Variants in TRPM3 observed in about 807,000 individuals in gnomAD.
TRPM3 encodes long transient receptor potential channel 3.
In TRPM3, 77 loss-of-function variants were observed where a neutral mutation model predicts 181.2. The ratio of observed to expected loss-of-function variants is 0.42; its 90% CI spans 0.35 to 0.51. TRPM3 has a LOEUF of 0.51. Ranked by LOEUF, TRPM3 falls within the 20% of genes least tolerant of loss-of-function variation. TRPM3 has a pLI of 0.01. For missense variants in TRPM3, 1,759 were observed against 2,196.7 expected (o/e 0.80, Z 3.98); for synonymous variants, 745 against 796.4 (o/e 0.94, Z 1.09).
intron 1 of TRPM3, among the ~76,000 whole-genome samples, chr9:70,995,233 A>G (rs994713404): frequency 6.6e-6 from 1 of 152,254 alleles, no homozygotes; most frequent in Non-Finnish European, 1.5e-5. Flanking sequence ...TCCTAAGGTT[A>G]GAAGACCTAA....
At chr9:71,247,399 G>A (rs114266411) in intron 1 of TRPM3, among the ~76,000 whole-genome samples, 2,090 of 150,914 alleles carry the variant, frequency 0.014, 61 homozygotes, top group African/African-American at 0.049. Context: ...TAGTTGAGAG[G>A]GTGAATCAAT....
chr9:70,747,695 A>G (rs551355558), intron 8 of TRPM3, among the ~76,000 whole-genome samples: 5 of 152,116 alleles, frequency 3.3e-5, no homozygotes, highest in Non-Finnish European at 7.4e-5. Context: ...AAAGAACAGT[A>G]TGTGACAGAG....
intron 1 of TRPM3, among the ~76,000 whole-genome samples, chr9:71,209,970 A>G (rs889567906): frequency 5.9e-5 from 9 of 152,190 alleles, no homozygotes; most frequent in Non-Finnish European, 1.0e-4. Flanking sequence ...AAGTTTGCCA[A>G]CTTCTGCTTT....
At chr9:70,836,909 G>C (rs1383415782) in intron 5 of TRPM3, among the ~76,000 whole-genome samples, 1 of 152,186 alleles carries the variant, frequency 6.6e-6, no homozygotes, top group Admixed American at 6.5e-5. Flanking sequence ...TCAAAGGAAA[G>C]TCAAAATCAA....
chr9:71,129,328 G>A (rs190495111), intron 1 of TRPM3, among the ~76,000 whole-genome samples: 36 of 152,256 alleles, frequency 2.4e-4, no homozygotes, highest in African/African-American at 8.4e-4. Context: ...TTTGAAATCA[G>A]GGAGAAACAG....
chr9:70,822,178 C>T (rs1014301882), intron 6 of TRPM3, among the ~76,000 whole-genome samples: 1 of 152,186 alleles, frequency 6.6e-6, no homozygotes, highest in South Asian at 2.1e-4. Flanking sequence ...CTCTGCTTTT[C>T]CTCCTGTTCT....
chr9:71,169,307 T>G (rs2076720360), intron 1 of TRPM3, among the ~76,000 whole-genome samples: 1 of 152,218 alleles, frequency 6.6e-6, no homozygotes, highest in Non-Finnish European at 1.5e-5. Flanking sequence ...CTGCAATACA[T>G]GCTCTTTATA....
chr9:71,418,812 A>ATTATAT (rs1245540266), intron 1 of TRPM3, among the ~76,000 whole-genome samples: 3 of 13,802 alleles, frequency 2.2e-4, no homozygotes, highest in Admixed American at 3.0e-3. Flanking sequence ...CTATATATAT[A>ATTATAT]CTATATATAT....
chr9:71,183,171 CA>C (rs966773014), intron 1 of TRPM3, among the ~76,000 whole-genome samples: 4 of 149,730 alleles, frequency 2.7e-5, no homozygotes, highest in South Asian at 2.1e-4. Context: ...GACTTAATAT[CA>C]AAAAAAAATA....
At chr9:70,883,487 T>C (rs910874584) in intron 1 of TRPM3, among the ~76,000 whole-genome samples, 1 of 152,148 alleles carries the variant, frequency 6.6e-6, no homozygotes, top group African/African-American at 2.4e-5. Context: ...GAAACAGAAA[T>C]GCTGTGTATA....
At chr9:71,024,620 C>G (rs1467136824) in intron 1 of TRPM3, among the ~76,000 whole-genome samples, 1 of 152,212 alleles carries the variant, frequency 6.6e-6, no homozygotes, top group Non-Finnish European at 1.5e-5. Flanking sequence ...GTTATCGAAA[C>G]TTCTCTATGC....
At chr9:71,286,954 A>C (rs971674257) in intron 1 of TRPM3, among the ~76,000 whole-genome samples, 25 of 143,522 alleles carry the variant, frequency 1.7e-4, no homozygotes, top group African/African-American at 5.6e-4. Flanking sequence ...TTTATATTTT[A>C]TATAAATTAT....
At chr9:71,446,574 C>G (rs2094207218) in intron 1 of TRPM3, 1 of 1,446,242 alleles carries the variant, frequency 6.9e-7, no homozygotes, top group Admixed American at 2.1e-5. Context: ...GAGGCAAGTT[C>G]AGCACCATGG....
At chr9:71,356,059 G>GA (rs2091886411) in intron 1 of TRPM3, among the ~76,000 whole-genome samples, 1 of 152,100 alleles carries the variant, frequency 6.6e-6, no homozygotes, top group Non-Finnish European at 1.5e-5. Context: ...CCCAAATCAT[G>GA]AAACTTCAGG....
intron 1 of TRPM3, among the ~76,000 whole-genome samples, chr9:71,324,599 C>T (rs1044363174): frequency 2.6e-5 from 4 of 151,790 alleles, no homozygotes; most frequent in African/African-American, 7.3e-5. Context: ...CCAATTGACC[C>T]GGCAATCCCA....
At chr9:70,835,408 C>G (rs1295190966) in intron 5 of TRPM3, among the ~76,000 whole-genome samples, 2 of 151,908 alleles carry the variant, frequency 1.3e-5, no homozygotes, top group Admixed American at 1.3e-4. Context: ...GTGTCTTCTT[C>G]CCTTTATTCT....
chr9:70,753,345 A>C (rs1001512929), intron 8 of TRPM3, among the ~76,000 whole-genome samples: 9 of 152,280 alleles, frequency 5.9e-5, no homozygotes, highest in Middle Eastern at 6.8e-3. Context: ...AATAAGAGGA[A>C]GTGGCTGTGG....
chr9:70,641,038 C>T (rs1179750414), intron 9 of TRPM3, among the ~76,000 whole-genome samples: 1 of 152,098 alleles, frequency 6.6e-6, no homozygotes, highest in Non-Finnish European at 1.5e-5. Context: ...CAGTAGATGT[C>T]AATAGCATTT....
chr9:70,859,085 G>A (rs953122941), intron 3 of TRPM3, among the ~76,000 whole-genome samples: 1 of 152,202 alleles, frequency 6.6e-6, no homozygotes, highest in Non-Finnish European at 1.5e-5. Flanking sequence ...GTGTAAAGGT[G>A]GCAATCCCAT....
Sources: allele counts gnomAD v4.1 joint callset (sites outside exome capture counted in the v4.1 genomes callset), GRCh38; gene constraint gnomAD v4.1.1; transcripts MANE v1.5; gene names NCBI Gene and HGNC (gene_info 2026-07-23, HGNC 2026-07-21).